ZCCHC7: variants seen among roughly 807,000 people sequenced by gnomAD.
The protein encoded by ZCCHC7 is zinc finger CCHC-type containing 7.
In ZCCHC7, 35 loss-of-function variants were observed where a neutral mutation model predicts 52.0. The ratio of observed to expected loss-of-function variants is 0.67; its 90% CI spans 0.51 to 0.89. The LOEUF (loss-of-function observed/expected upper bound fraction) is 0.89, where lower values mean the gene tolerates loss of function less well. Among genes scored for constraint, ZCCHC7 ranks in the 40% least tolerant of loss-of-function variants. The pLI, the probability that ZCCHC7 is intolerant of heterozygous loss-of-function variation, is 0.00. For synonymous variants in ZCCHC7, 217 were observed against 221.5 expected (o/e 0.98, Z 0.18); for missense variants, 574 against 649.1 (o/e 0.88, Z 1.26).
intron 2 of ZCCHC7, among the ~76,000 whole-genome samples, chr9:37,257,758 T>G (rs1391352555): frequency 6.6e-6 from 1 of 152,122 alleles, no homozygotes; most frequent in Non-Finnish European, 1.5e-5. Flanking sequence ...ACTGCTAAGC[T>G]CTCTCTCACT....
chr9:37,291,749 A>G (rs1288359859), intron 2 of ZCCHC7, among the ~76,000 whole-genome samples: 2 of 152,080 alleles, frequency 1.3e-5, no homozygotes, highest in Non-Finnish European at 2.9e-5. Flanking sequence ...GCTGGAGTGC[A>G]ATGGTGCAAT....
Position 37,152,041 on chromosome 9 carries a change from C to T in ZCCHC7, c.610+25099C>T, listed in dbSNP as rs553229691. Among the ~76,000 whole-genome samples the T allele has an allele frequency of 1.1e-4, 16 of 152,192 alleles. No homozygotes were observed. In the South Asian group the frequency reaches 2.7e-3, roughly 26 times the overall value. On this transcript the variant is annotated intron_variant, in intron 2 of 8. Coordinates refer to ENST00000336755, the MANE Select transcript of ZCCHC7 (RefSeq NM_032226.3). ...CCAACAGTTTTCTAATCTGATCTGGCAACCTGGGCTTCAGTAAGGGCAGAC... is the reference window on the plus strand; with the variant it reads ...CCAACAGTTTTCTAATCTGATCTGGTAACCTGGGCTTCAGTAAGGGCAGAC...
At chr9:37,259,342 CTG>C (rs992787498) in intron 2 of ZCCHC7, among the ~76,000 whole-genome samples, 6 of 152,162 alleles carry the variant, frequency 3.9e-5, no homozygotes, top group African/African-American at 9.7e-5. Context: ...TACCTTATCA[CTG>C]TGAAATCTTG....
At chr9:37,261,227 G>T (rs191981527) in intron 2 of ZCCHC7, among the ~76,000 whole-genome samples, 1 of 152,022 alleles carries the variant, frequency 6.6e-6, no homozygotes, top group Non-Finnish European at 1.5e-5. Context: ...TCTTTAAGAC[G>T]TCAACAGATT....
intron 2 of ZCCHC7, among the ~76,000 whole-genome samples, chr9:37,300,749 T>C (rs1828996964): frequency 6.6e-6 from 1 of 152,214 alleles, no homozygotes; most frequent in Admixed American, 6.5e-5. Context: ...ATCTTAGCTT[T>C]AAAGGGAGAA....
At chr9:37,144,568 A>G (rs1304304061) in intron 2 of ZCCHC7, among the ~76,000 whole-genome samples, 1 of 151,944 alleles carries the variant, frequency 6.6e-6, no homozygotes, top group Non-Finnish European at 1.5e-5. Flanking sequence ...CCATCTTGGT[A>G]CTTTGTCTCA....
At chr9:37,305,313 G>A (rs1366026071) in intron 4 of ZCCHC7, among the ~76,000 whole-genome samples, 2 of 152,054 alleles carry the variant, frequency 1.3e-5, no homozygotes, top group Non-Finnish European at 2.9e-5. Flanking sequence ...ATAAGAAGAG[G>A]CATAAGGAAT....
intron 2 of ZCCHC7, among the ~76,000 whole-genome samples, chr9:37,253,849 T>C (rs1268349322): frequency 6.6e-6 from 1 of 152,012 alleles, no homozygotes; most frequent in Non-Finnish European, 1.5e-5. Flanking sequence ...AGTCCTTTTA[T>C]ACAATTAAAC....
intron 2 of ZCCHC7, among the ~76,000 whole-genome samples, chr9:37,216,550 T>TAA (rs1201107072): frequency 2.0e-5 from 3 of 152,156 alleles, no homozygotes; most frequent in African/African-American, 7.2e-5. Flanking sequence ...GGCACACACC[T>TAA]GTATTCCCAG....
At chr9:37,353,510 A>G (rs1236667578) in intron 7 of ZCCHC7, among the ~76,000 whole-genome samples, 1 of 152,244 alleles carries the variant, frequency 6.6e-6, no homozygotes, top group Non-Finnish European at 1.5e-5. Flanking sequence ...ACTTGATGAC[A>G]GTGGTAACTT....
intron 2 of ZCCHC7, among the ~76,000 whole-genome samples, chr9:37,201,975 G>C (rs930665807): frequency 2.0e-5 from 3 of 152,210 alleles, no homozygotes; most frequent in African/African-American, 7.2e-5. Context: ...AATGTCTATG[G>C]AAAATAGAGA....
chr9:37,206,357 T>TCACCTTTCCCGCTTC (rs1467658175), intron 2 of ZCCHC7, among the ~76,000 whole-genome samples: 4 of 147,844 alleles, frequency 2.7e-5, no homozygotes, highest in Non-Finnish European at 6.0e-5. Context: ...CCTCCCGCCT[T>TCACCTTTCCCGCTTC]CACCTTTCCC....
At chr9:37,227,220 A>C (rs1023115097) in intron 2 of ZCCHC7, among the ~76,000 whole-genome samples, 3 of 152,178 alleles carry the variant, frequency 2.0e-5, no homozygotes, top group Admixed American at 6.5e-5. Context: ...AATATTTGCG[A>C]AGGATTTATG....
intron 2 of ZCCHC7, among the ~76,000 whole-genome samples, chr9:37,233,469 T>A (rs1051785563): frequency 6.6e-6 from 1 of 152,248 alleles, no homozygotes; most frequent in African/African-American, 2.4e-5. Context: ...GAGAGCACTT[T>A]CTGAAAATGT....
intron 5 of ZCCHC7, among the ~76,000 whole-genome samples, chr9:37,319,624 T>C (rs1829973350): frequency 6.6e-6 from 1 of 152,082 alleles, no homozygotes; most frequent in Admixed American, 6.6e-5. Context: ...TGAGGTTTCA[T>C]TTTGTTGCCC....
chr9:37,284,580 G>A (rs1025608774), intron 2 of ZCCHC7, among the ~76,000 whole-genome samples: 1 of 144,260 alleles, frequency 6.9e-6, no homozygotes, highest in African/African-American at 2.6e-5. Flanking sequence ...AAGTCAGCAC[G>A]GTGTGAGTTT....
At chr9:37,180,996 G>A (rs1457947023) in intron 2 of ZCCHC7, among the ~76,000 whole-genome samples, 5 of 152,112 alleles carry the variant, frequency 3.3e-5, no homozygotes, top group Non-Finnish European at 7.4e-5. Context: ...TTTTGCCATA[G>A]TGCTTAATGA....
chr9:37,306,933 G>A (rs887879735), intron 5 of ZCCHC7, among the ~76,000 whole-genome samples: 5 of 150,600 alleles, frequency 3.3e-5, no homozygotes, highest in African/African-American at 9.8e-5. Flanking sequence ...GATTACAGGC[G>A]CCCACCACCA....
At chr9:37,201,548 A>G (rs1353325463) in intron 2 of ZCCHC7, among the ~76,000 whole-genome samples, 2 of 152,236 alleles carry the variant, frequency 1.3e-5, no homozygotes, top group African/African-American at 4.8e-5. Flanking sequence ...ATTTGTGTTC[A>G]TCAAAAACAC....
Sources: gnomAD v4.1 joint callset for allele counts (sites outside exome capture counted in the v4.1 genomes callset) on GRCh38, gnomAD v4.1.1 for gene constraint, MANE v1.5 for transcripts, NCBI Gene and HGNC (gene_info 2026-07-23, HGNC 2026-07-21) for gene names.